Variants in ANKRD6 observed in about 807,000 individuals in gnomAD.
The protein encoded by ANKRD6 is ankyrin repeat domain 6, also known as ankyrin repeat domain-containing protein 6.
ANKRD6 carries 56 observed loss-of-function variants against 82.3 expected under a neutral mutation model. The ratio of observed to expected loss-of-function variants is 0.68; its 90% CI spans 0.55 to 0.85. The LOEUF is 0.85. Ranked by LOEUF, ANKRD6 falls within the 40% of genes least tolerant of loss-of-function variation. ANKRD6 has a pLI of 0.00. For missense variants in ANKRD6, 852 were observed against 907.6 expected (o/e 0.94, Z 0.79); for synonymous variants, 347 against 352.1 (o/e 0.99, Z 0.16).
intron 9 of ANKRD6, among the ~76,000 whole-genome samples, chr6:89,619,186 G>A (rs1187083608): frequency 6.6e-6 from 1 of 152,116 alleles, no homozygotes; most frequent in East Asian, 1.9e-4. Flanking sequence ...CAGAGCTCCC[G>A]ACAAAAGAAA....
intron 1 of ANKRD6, among the ~76,000 whole-genome samples, chr6:89,551,129 G>T (rs947430444): frequency 2.0e-5 from 3 of 152,152 alleles, no homozygotes; most frequent in African/African-American, 7.2e-5. Flanking sequence ...AATATCTGAA[G>T]AGCAGAGCCT....
intron 2 of ANKRD6, among the ~76,000 whole-genome samples, chr6:89,567,602 A>G (rs536802408): frequency 2.0e-5 from 3 of 152,352 alleles, no homozygotes; most frequent in African/African-American, 7.2e-5. Flanking sequence ...ACCCTGCGCC[A>G]ACAGAGAAGA....
chr6:89,623,031 C>T (rs867789007), intron 10 of ANKRD6, among the ~76,000 whole-genome samples: 33 of 3,358 alleles, frequency 9.8e-3, no homozygotes, highest in African/African-American at 0.026. Flanking sequence ...GTGGGGGGGG[C>T]GGGAGGGGGG....
intron 1 of ANKRD6, among the ~76,000 whole-genome samples, chr6:89,455,974 A>G (rs1178950731): frequency 6.6e-6 from 1 of 151,932 alleles, no homozygotes; most frequent in African/African-American, 2.4e-5. Context: ...CCCAGGTTCA[A>G]GCGATTCTCC....
At chr6:89,568,786 C>T (rs1789103408) in intron 2 of ANKRD6, among the ~76,000 whole-genome samples, 1 of 152,016 alleles carries the variant, frequency 6.6e-6, no homozygotes. Context: ...TGGAACCTGA[C>T]CACGCGGGTA....
intron 1 of ANKRD6, among the ~76,000 whole-genome samples, chr6:89,448,058 T>C (rs1772327301): frequency 6.6e-6 from 1 of 152,118 alleles, no homozygotes; most frequent in African/African-American, 2.4e-5. Flanking sequence ...AGGCCGACTC[T>C]GGTTAGGAGC....
intron 3 of ANKRD6, chr6:89,602,702 C>T (rs1797510314): frequency 3.3e-6 from 1 of 303,242 alleles, no homozygotes; most frequent in South Asian, 5.5e-5. Context: ...CACACCCACT[C>T]TTCACACCTG....
At chr6:89,583,506 G>A (rs1488398366) in intron 2 of ANKRD6, among the ~76,000 whole-genome samples, 5 of 152,198 alleles carry the variant, frequency 3.3e-5, no homozygotes, top group African/African-American at 1.2e-4. Context: ...AGCAAAGGTA[G>A]GTAGGTGTCC....
chr6:89,596,502 G>C (rs1562970551), intron 3 of ANKRD6, among the ~76,000 whole-genome samples: 1 of 152,180 alleles, frequency 6.6e-6, no homozygotes, highest in Non-Finnish European at 1.5e-5. Context: ...ATCTATTCAA[G>C]TTGGGGAGTT....
At chr6:89,550,237 TAGC>T (rs1174716520) in intron 1 of ANKRD6, among the ~76,000 whole-genome samples, 1 of 151,526 alleles carries the variant, frequency 6.6e-6, no homozygotes, top group Non-Finnish European at 1.5e-5. Context: ...AGAATATTGA[TAGC>T]AGCACCACTA....
intron 4 of ANKRD6, among the ~76,000 whole-genome samples, 193 bp downstream of exon 4, chr6:89,603,320 A>ATTTTTTT (rs1229759944): frequency 3.5e-5 from 4 of 114,696 alleles, no homozygotes; most frequent in Non-Finnish European, 5.2e-5. Flanking sequence ...GCCAATTGTA[A>ATTTTTTT]TTTTTTTTTT....
intron 8 of ANKRD6, 54 bp from the exon 9 acceptor site, chr6:89,617,900 G>A (rs1333438038): frequency 1.3e-6 from 2 of 1,551,890 alleles, no homozygotes; most frequent in East Asian, 2.2e-5. Context: ...GCTGGGCTAT[G>A]TGCGTGTGGG....
At chr6:89,449,412 G>C (rs1772530014) in intron 1 of ANKRD6, among the ~76,000 whole-genome samples, 2 of 152,158 alleles carry the variant, frequency 1.3e-5, no homozygotes, top group African/African-American at 4.8e-5. Context: ...AAAGAAAGTG[G>C]TTTCTTGAGG....
At chr6:89,568,351 G>A (rs1002534067) in intron 2 of ANKRD6, 3 of 152,168 alleles carry the variant, frequency 2.0e-5, no homozygotes, top group Non-Finnish European at 4.4e-5. Flanking sequence ...TTTCAGAATT[G>A]TTATAAGAAC....
chr6:89,543,649 C>T (rs959570954), intron 1 of ANKRD6, among the ~76,000 whole-genome samples: 5 of 152,170 alleles, frequency 3.3e-5, no homozygotes, highest in African/African-American at 9.7e-5. Flanking sequence ...ATGAACTGTG[C>T]GTGTGGGTAT....
intron 2 of ANKRD6, 130 bp from the exon 3 acceptor site, chr6:89,595,786 C>T (rs1470814929): frequency 1.6e-5 from 11 of 675,630 alleles, no homozygotes; most frequent in Non-Finnish European, 2.8e-5. Context: ...GAATCTCCTG[C>T]CAATCCAAAG....
intron 2 of ANKRD6, among the ~76,000 whole-genome samples, chr6:89,575,013 T>C (rs1274684783): frequency 6.6e-6 from 1 of 152,140 alleles, no homozygotes; most frequent in African/African-American, 2.4e-5. Context: ...TGTAGAAATA[T>C]GATTGGACAG....
intron 9 of ANKRD6, chr6:89,621,664 C>G: frequency 2.1e-6 from 1 of 467,204 alleles, no homozygotes; most frequent in Non-Finnish European, 3.9e-6. Flanking sequence ...GCATCAGTGT[C>G]TGTAGTTATT....
intron 1 of ANKRD6, among the ~76,000 whole-genome samples, chr6:89,543,765 TA>T (rs1784707928): frequency 6.6e-6 from 1 of 152,208 alleles, no homozygotes. Context: ...CCCTCTCTTT[TA>T]TACAAGTCAG....
Sources: gnomAD v4.1 joint callset for allele counts (sites outside exome capture counted in the v4.1 genomes callset) on GRCh38, gnomAD v4.1.1 for gene constraint, MANE v1.5 for transcripts, NCBI Gene and HGNC (gene_info 2026-07-23, HGNC 2026-07-21) for gene names.